The following ZNF514 variants were observed in gnomAD, a reference collection of about 807,000 sequenced individuals.
ZNF514 encodes the protein zinc finger protein 514.
ZNF514 carries 12 observed loss-of-function variants against 9.7 expected under a neutral mutation model. The observed-to-expected ratio is 1.24, with a 90% CI of 0.79 to 2.01. ZNF514 has a LOEUF of 2.01. Among genes scored for constraint, ZNF514 ranks in the 30% most tolerant of loss-of-function variants. The pLI is 0.00. For synonymous variants in ZNF514, 158 were observed against 163.7 expected, an observed-to-expected ratio of 0.97 and a Z score of 0.27; for missense variants, 467 against 465.5, an observed-to-expected ratio of 1.00 and a Z score of -0.03.
At chr2:95,152,815 C>T (rs377668646) in intron 3 of ZNF514, 46 bp from the exon 4 acceptor site, 20 of 1,525,354 alleles carry the variant, frequency 1.3e-5, no homozygotes, top group Non-Finnish European at 1.8e-5. Context: ...GTGCCAGTGG[C>T]CAAGTCTTTG....
intron 3 of ZNF514, 132 bp downstream of exon 3, chr2:95,153,000 TA>T: frequency 8.2e-7 from 1 of 1,225,152 alleles, no homozygotes; most frequent in Non-Finnish European, 1.1e-6. Flanking sequence ...AAAGAGAATG[TA>T]AATGTCTGAT....
the ZNF514 span, among the ~76,000 whole-genome samples, chr2:95,129,487 T>C: frequency 6.6e-6 from 1 of 152,072 alleles, no homozygotes; most frequent in South Asian, 2.1e-4. Flanking sequence ...ACCACAAGAT[T>C]CTTCATCTCC....
downstream of ZNF514, among the ~76,000 whole-genome samples, chr2:95,143,317 T>C (rs888106235): frequency 6.6e-6 from 1 of 152,170 alleles, no homozygotes; most frequent in African/African-American, 2.4e-5. Flanking sequence ...TGAGGGTGTG[T>C]GCTTGTGTAA....
chr2:95,153,132 C>A lies in ZNF514; in HGVS notation c.121+1G>T. 6.2e-7 allele frequency: 1 copy of A among 1,611,520 alleles called. No individual in the cohort carries two copies. Among genetic ancestry groups the A allele is most frequent in the Non-Finnish European group, 8.5e-7 (1 of 1,178,058 alleles). ...GTGGGCTTTGGAGGGCTTGTGCTCA[C>A]CCAGAATGGCCAAGTTCCTGAAGTT... is the stretch of plus-strand genomic sequence containing the variant. On this transcript the variant is annotated splice_donor_variant, in intron 3 of 4. Coordinates refer to ENST00000295208, the MANE Select transcript of ZNF514 (RefSeq NM_032788.3). LOFTEE classifies it high-confidence loss of function.
the ZNF514 span, among the ~76,000 whole-genome samples, chr2:95,133,775 A>G: frequency 2.0e-5 from 3 of 152,192 alleles, no homozygotes; most frequent in Non-Finnish European, 4.4e-5. Flanking sequence ...AAATACTATT[A>G]TATGTCATTT....
chr2:95,151,052 T>C (rs1290569841), intron 4 of ZNF514, among the ~76,000 whole-genome samples: 2 of 152,188 alleles, frequency 1.3e-5, no homozygotes, highest in South Asian at 2.1e-4. Context: ...CACATATACA[T>C]ATAACATGTA....
the ZNF514 span, among the ~76,000 whole-genome samples, chr2:95,124,507 C>CT: frequency 6.6e-6 from 1 of 151,822 alleles, no homozygotes; most frequent in African/African-American, 2.4e-5. Flanking sequence ...TTTTCCTTTT[C>CT]TTTTTTTCCT....
intron 4 of ZNF514, among the ~76,000 whole-genome samples, chr2:95,152,229 A>G (rs1673562708): frequency 6.6e-6 from 1 of 152,196 alleles, no homozygotes; most frequent in South Asian, 2.1e-4. Flanking sequence ...ACTCACCTTA[A>G]TCAAGCTTGA....
chr2:95,128,768 G>A, the ZNF514 span, among the ~76,000 whole-genome samples: 1 of 147,376 alleles, frequency 6.8e-6, no homozygotes, highest in African/African-American at 2.5e-5. Context: ...AGAAGAGGGA[G>A]AAAGAGAAGG....
the ZNF514 span, among the ~76,000 whole-genome samples, chr2:95,124,532 G>A: frequency 5.0e-4 from 75 of 151,352 alleles, no homozygotes; most frequent in Admixed American, 3.7e-3. Flanking sequence ...ACAGAGTCTC[G>A]CTCTGTCACC....
intron 2 of ZNF514, chr2:95,154,320 T>C (rs772107406): frequency 7.2e-5 from 11 of 152,238 alleles, no homozygotes; most frequent in Non-Finnish European, 8.8e-5. Context: ...GAACCTTTCA[T>C]GGTGTAAGTC....
Position 95,153,708 on chromosome 2 carries a change from A to G in ZNF514, c.-6-449T>C, listed in dbSNP as rs138184914. ...TGATCCTTTCCCCCAAAGCCTACTC[A>G]TTATTCAGTTCCTAAGTTTATAAAG... On this transcript the variant is annotated intron_variant, in intron 2 of 4. Coordinates refer to ENST00000295208, the MANE Select transcript of ZNF514 (RefSeq NM_032788.3). 3.0e-3 allele frequency: 461 copies of G among 153,862 alleles called. 4 individuals are homozygous for G. Among genetic ancestry groups the G allele is most frequent in the African/African-American group, 0.011 (440 of 41,602 alleles). 9.5% of individuals were successfully genotyped at this position (153,862 alleles called of 1,614,324 possible).
At position 95,148,728 on chromosome 2, in the gene ZNF514, A is replaced by C. The variant is rs956151016; in HGVS notation, c.*554T>G. Reference sequence around the variant, plus strand: ...GCTCTCCCACATTACCCACATTCACAGGTTTTTCTCAGGTATGAATTTTCT... The same window carrying C: ...GCTCTCCCACATTACCCACATTCACCGGTTTTTCTCAGGTATGAATTTTCT... On this transcript the variant is annotated 3_prime_UTR_variant, in exon 5 of 5. Coordinates refer to ENST00000295208, the MANE Select transcript of ZNF514 (RefSeq NM_032788.3). 2 of 152,864 alleles carry C rather than the reference A, an allele frequency of 1.3e-5. No individual in the cohort carries two copies. The highest frequency in any genetic ancestry group is 2.9e-5 in the Non-Finnish European group (2 of 68,592). 9.5% of individuals were successfully genotyped at this position (152,864 alleles called of 1,614,324 possible). A position where few individuals can be genotyped will look rare whatever the true frequency, so the allele number is the denominator to read the frequency against.
the ZNF514 span, among the ~76,000 whole-genome samples, chr2:95,130,539 G>C: frequency 6.6e-6 from 1 of 152,196 alleles, no homozygotes; most frequent in Non-Finnish European, 1.5e-5. Context: ...TATGCCCCGG[G>C]GGGGCCGGTT....
At chr2:95,159,020 CA>C in intron 1 of ZNF514, 1 of 1,263,196 alleles carries the variant, frequency 7.9e-7, no homozygotes, top group Non-Finnish European at 1.0e-6. Context: ...TCACTAGGTC[CA>C]AATCTCTGTC....
At chr2:95,154,756 A>C (rs1214090775) in intron 2 of ZNF514, 1 of 152,214 alleles carries the variant, frequency 6.6e-6, no homozygotes, top group Non-Finnish European at 1.5e-5. Flanking sequence ...ACCAATTCTC[A>C]TTTCCAACTG....
the ZNF514 span, among the ~76,000 whole-genome samples, chr2:95,126,849 C>A: frequency 6.6e-6 from 1 of 151,860 alleles, no homozygotes; most frequent in Non-Finnish European, 1.5e-5. Flanking sequence ...TAACTCAATG[C>A]AGCCTCACAC....
chr2:95,158,779 C>T, intron 1 of ZNF514: 1 of 1,229,580 alleles, frequency 8.1e-7, no homozygotes, highest in South Asian at 1.4e-5. Flanking sequence ...CCCTGCCAGA[C>T]CCAGGAGACT....
chr2:95,144,524 G>C (rs1483453841), downstream of ZNF514, among the ~76,000 whole-genome samples: 1 of 152,190 alleles, frequency 6.6e-6, no homozygotes, highest in African/African-American at 2.4e-5. Flanking sequence ...ACACATCAGT[G>C]TGCCAGCAGG....
Sources: allele counts gnomAD v4.1 joint callset (sites outside exome capture counted in the v4.1 genomes callset), GRCh38; gene constraint gnomAD v4.1.1; transcripts MANE v1.5; gene names NCBI Gene and HGNC (gene_info 2026-07-23, HGNC 2026-07-21).